The following YIPF7 variants were observed in gnomAD, a reference collection of about 807,000 sequenced individuals.
YIPF7 encodes Yip1 domain family member 7.
A neutral mutation model predicts 27.2 loss-of-function variants in YIPF7; 35 were observed. That is an observed-to-expected ratio of 1.29 (90% CI 0.98 to 1.70). YIPF7 has a LOEUF of 1.70. YIPF7 is among the 40% of genes most tolerant of loss of function. The probability of loss-of-function intolerance (pLI) is 0.00; values close to 1 mark genes in which losing one functional copy is unlikely to be tolerated. For missense variants in YIPF7, 358 were observed against 303.7 expected, an observed-to-expected ratio of 1.18 and a Z score of -1.33; for synonymous variants, 137 against 110.4, an observed-to-expected ratio of 1.24 and a Z score of -1.51.
chr4:44,623,171 T>C (rs1047382576), intron 5 of YIPF7, among the ~76,000 whole-genome samples: 4 of 152,190 alleles, frequency 2.6e-5, no homozygotes, highest in Non-Finnish European at 4.4e-5. Flanking sequence ...AATAGATTTG[T>C]TCAACCGGTG....
chr4:44,658,540 T>C (rs571515823), intron 2 of YIPF7, among the ~76,000 whole-genome samples: 8 of 152,244 alleles, frequency 5.3e-5, no homozygotes, highest in Admixed American at 4.6e-4. Flanking sequence ...AAGCATCCAA[T>C]GACAATATAT....
At chr4:44,622,661 C>A in intron 5 of YIPF7, 85 bp from the exon 6 acceptor site, 1 of 1,479,928 alleles carries the variant, frequency 6.8e-7, no homozygotes, top group Non-Finnish European at 9.1e-7. Context: ...ATCCTTGGCA[C>A]AATATTTATA....
At chr4:44,647,352 G>A (rs2109598065) in intron 2 of YIPF7, among the ~76,000 whole-genome samples, 1 of 152,026 alleles carries the variant, frequency 6.6e-6, no homozygotes, top group East Asian at 1.9e-4. Context: ...CTCTTATTGT[G>A]CATTTTAGTT....
intron 2 of YIPF7, among the ~76,000 whole-genome samples, chr4:44,646,150 A>G (rs1713517566): frequency 6.6e-6 from 1 of 152,320 alleles, no homozygotes; most frequent in Middle Eastern, 3.4e-3. Flanking sequence ...GCAACATAGA[A>G]TTAACTAGTT....
At chr4:44,629,151 C>A (rs1266949908) in intron 4 of YIPF7, 1 of 323,302 alleles carries the variant, frequency 3.1e-6, no homozygotes, top group Non-Finnish European at 5.4e-6. Context: ...TTCTTAATAA[C>A]AAAAAAGACA....
chr4:44,659,429 AGAGACTACACT>A lies in YIPF7; in HGVS notation c.-2+1009_-2+1019del, dbSNP rs571124971. Among the ~76,000 whole-genome samples, 220 of 152,310 alleles carry A rather than the reference AGAGACTACACT, an allele frequency of 1.4e-3. 1 individual carries two copies. Among genetic ancestry groups the A allele is most frequent in the Middle Eastern group, 0.01 (3 of 294 alleles). Reference sequence around the variant, plus strand: ...GTGCTGACAATTGGATCAGGGATATAGAGACTACACTTAATATATTATCTCCTAATTCAAAA... The same window carrying A: ...GTGCTGACAATTGGATCAGGGATATATAATATATTATCTCCTAATTCAAAA... On this transcript the variant is annotated intron_variant, in intron 2 of 2. Transcript: ENST00000508947.
chr4:44,655,182 G>T (rs1265158074), upstream of YIPF7, among the ~76,000 whole-genome samples: 1 of 151,998 alleles, frequency 6.6e-6, no homozygotes, highest in African/African-American at 2.4e-5. Context: ...TGCATGGCTT[G>T]ATGTATGGAT....
chr4:44,623,449 C>CACCACCAA (rs1159108598), intron 5 of YIPF7, among the ~76,000 whole-genome samples: 2 of 152,170 alleles, frequency 1.3e-5, no homozygotes, highest in Non-Finnish European at 2.9e-5. Context: ...GTACTCTTTT[C>CACCACCAA]ACCACCAAAC....
At position 44,639,600 on chromosome 4, in the gene YIPF7, C is replaced by CT. The variant is rs549058335; in HGVS notation, c.117-3516dup. On this transcript the variant is annotated intron_variant, in intron 2 of 5. Coordinates refer to ENST00000415895, the MANE Select transcript of YIPF7 (RefSeq NM_182592.3). ...TGTATGTTGAATTCATTTATTAACT[C>CT]TAAGAGGTTTTGGTGAATTCTTTAG... 4.0e-3 allele frequency among the ~76,000 whole-genome samples: 603 copies of CT among 152,114 alleles called. 2 individuals are homozygous for CT. The highest frequency in any genetic ancestry group is 0.01 in the Middle Eastern group (3 of 294).
At position 44,624,521 on chromosome 4, in the gene YIPF7, G is replaced by C. The variant is rs994372331; in HGVS notation, c.608+80C>G. The C allele has an allele frequency of 7.8e-6, 11 of 1,407,518 alleles. No homozygotes were observed. The African/African-American group carries it at 1.5e-4, about 19-fold the overall frequency. 87.2% of individuals were successfully genotyped at this position (1,407,518 alleles called of 1,614,324 possible). A position where few individuals can be genotyped will look rare whatever the true frequency, so the allele number is the denominator to read the frequency against. On this transcript the variant is annotated intron_variant, in intron 5 of 5. Coordinates refer to ENST00000415895, the MANE Select transcript of YIPF7 (RefSeq NM_182592.3). ...GTTCCACTACCAAAACAATCAGGAA[G>C]GGCTCAACTTTTTCATGGCTGTGGC...
intron 3 of YIPF7, among the ~76,000 whole-genome samples, chr4:44,632,603 C>T (rs940218376): frequency 6.6e-6 from 1 of 152,158 alleles, no homozygotes; most frequent in Non-Finnish European, 1.5e-5. Context: ...TTTGAAACAA[C>T]ACATTTTTGT....
At chr4:44,654,206 T>C (rs1182535868), upstream of YIPF7, among the ~76,000 whole-genome samples, 2 of 152,088 alleles carry the variant, frequency 1.3e-5, no homozygotes, top group South Asian at 2.1e-4. Flanking sequence ...AAGTGGGTTT[T>C]TTCCATTAAT....
intron 2 of YIPF7, among the ~76,000 whole-genome samples, chr4:44,645,072 T>C (rs992757658): frequency 6.6e-6 from 1 of 152,178 alleles, no homozygotes; most frequent in East Asian, 1.9e-4. Flanking sequence ...CTCTACAGCC[T>C]GTGGGACTAT....
At chr4:44,647,476 A>T (rs1286437125) in intron 2 of YIPF7, among the ~76,000 whole-genome samples, 1 of 152,232 alleles carries the variant, frequency 6.6e-6, no homozygotes, top group Non-Finnish European at 1.5e-5. Flanking sequence ...AAAACAGAAC[A>T]GAGCTTAAAA....
chr4:44,652,582 C>A (rs1379381062), upstream of YIPF7, among the ~76,000 whole-genome samples: 2 of 152,192 alleles, frequency 1.3e-5, no homozygotes, highest in Non-Finnish European at 2.9e-5. Context: ...ATTTGAATGT[C>A]TTTAATCACA....
chr4:44,653,463 A>G (rs988490961), upstream of YIPF7, among the ~76,000 whole-genome samples: 2 of 152,128 alleles, frequency 1.3e-5, no homozygotes, highest in Non-Finnish European at 2.9e-5. Context: ...AGTCATGGCA[A>G]CTGAGGAAAA....
At chr4:44,623,361 T>G (rs1393861226) in intron 5 of YIPF7, among the ~76,000 whole-genome samples, 2 of 152,204 alleles carry the variant, frequency 1.3e-5, no homozygotes, top group East Asian at 3.9e-4. Context: ...AGATGTCTAC[T>G]GCCCAGTTTT....
At chr4:44,643,038 A>G (rs956054976) in intron 2 of YIPF7, among the ~76,000 whole-genome samples, 1 of 152,186 alleles carries the variant, frequency 6.6e-6, no homozygotes, top group African/African-American at 2.4e-5. Context: ...TAACAGGTAG[A>G]TGTCAGAAGA....
chr4:44,627,362 T>C lies in YIPF7; in HGVS notation c.426+2041A>G, dbSNP rs902313393. 3.3e-5 allele frequency among the ~76,000 whole-genome samples: 5 copies of C among 152,322 alleles called. No individual in the cohort carries two copies. The East Asian group carries it at 9.7e-4, about 29-fold the overall frequency. ...GAATTGTGTCTTATGTCAACATAAA[T>C]CTTAAAGGAGGAAGAGTATGTGACT... On this transcript the variant is annotated intron_variant, in intron 4 of 5. Coordinates refer to ENST00000415895, the MANE Select transcript of YIPF7 (RefSeq NM_182592.3).
Sources: gnomAD v4.1 joint callset for allele counts (sites outside exome capture counted in the v4.1 genomes callset) on GRCh38, gnomAD v4.1.1 for gene constraint, MANE v1.5 for transcripts, NCBI Gene and HGNC (gene_info 2026-07-23, HGNC 2026-07-21) for gene names.